PLCXD3: variants seen among roughly 807,000 people sequenced by gnomAD.
The protein encoded by PLCXD3 is phosphatidylinositol specific phospholipase C X domain containing 3.
A neutral mutation model predicts 25.5 loss-of-function variants in PLCXD3; 19 were observed. The ratio of observed to expected loss-of-function variants is 0.75; its 90% CI spans 0.52 to 1.09. The LOEUF is 1.09. Ranked by LOEUF, PLCXD3 falls within the 50% of genes least tolerant of loss-of-function variation. The pLI, the probability that PLCXD3 is intolerant of heterozygous loss-of-function variation, is 0.00. For missense variants in PLCXD3, 411 were observed against 388.1 expected (o/e 1.06, Z -0.50); for synonymous variants, 174 against 137.6 (o/e 1.26, Z -1.85).
intron 2 of PLCXD3, among the ~76,000 whole-genome samples, chr5:41,352,667 T>C (rs1744497304): frequency 6.6e-6 from 1 of 152,232 alleles, no homozygotes; most frequent in Non-Finnish European, 1.5e-5. Flanking sequence ...TAAGACCTAG[T>C]TGTCTTAGTT....
intron 2 of PLCXD3, among the ~76,000 whole-genome samples, chr5:41,344,234 A>G (rs925181243): frequency 2.6e-5 from 4 of 152,112 alleles, no homozygotes; most frequent in African/African-American, 9.7e-5. Flanking sequence ...TTTGTCCAAT[A>G]TTTTGTTGAC....
chr5:41,348,306 G>A (rs2150480063), intron 2 of PLCXD3, among the ~76,000 whole-genome samples: 1 of 152,212 alleles, frequency 6.6e-6, no homozygotes, highest in East Asian at 1.9e-4. Flanking sequence ...ATTGCGCAAA[G>A]GTAGGAGGAT....
chr5:41,430,149 A>G (rs926327103), intron 1 of PLCXD3, among the ~76,000 whole-genome samples: 3 of 152,224 alleles, frequency 2.0e-5, no homozygotes, highest in African/African-American at 7.2e-5. Context: ...TCATAGTAAC[A>G]ATAATAGCAC....
At chr5:41,453,090 CAATAGATCTCTTG>C (rs1444021766) in intron 1 of PLCXD3, among the ~76,000 whole-genome samples, 2 of 151,918 alleles carry the variant, frequency 1.3e-5, no homozygotes, top group African/African-American at 4.8e-5. Context: ...CCATGTTGTA[CAATAGATCTCTTG>C]AGATTATTCC....
rs933073809 is a variant in PLCXD3, at chr5:41,449,948, T to A, written c.103+60476A>T. 2.6e-5 allele frequency among the ~76,000 whole-genome samples: 4 copies of A among 151,936 alleles called. No individual in the cohort carries two copies. The South Asian group carries it at 6.2e-4, about 24-fold the overall frequency. ...CTCCCCTAACAGGTAGATGGGGAGG[T>A]ATACTGAATACCATTATAATTTTAA... On this transcript the variant is annotated intron_variant, in intron 1 of 2. Transcript: ENST00000377801.
chr5:41,430,823 C>T (rs1188519282), intron 1 of PLCXD3, among the ~76,000 whole-genome samples: 1 of 151,984 alleles, frequency 6.6e-6, no homozygotes, highest in Non-Finnish European at 1.5e-5. Context: ...AAAGTTATTG[C>T]CAATTATAAA....
intron 1 of PLCXD3, among the ~76,000 whole-genome samples, chr5:41,426,670 C>A (rs1746962793): frequency 1.3e-5 from 2 of 152,010 alleles, no homozygotes; most frequent in African/African-American, 4.8e-5. Flanking sequence ...GCTTTTAATT[C>A]TCTGCCCAAA....
At chr5:41,344,766 A>T (rs949234319) in intron 2 of PLCXD3, among the ~76,000 whole-genome samples, 6 of 152,150 alleles carry the variant, frequency 3.9e-5, no homozygotes, top group African/African-American at 1.4e-4. Flanking sequence ...CAAGCCATGT[A>T]TCAAAAAATC....
intron 2 of PLCXD3, among the ~76,000 whole-genome samples, chr5:41,354,198 C>A (rs899718844): frequency 4.6e-5 from 7 of 152,136 alleles, no homozygotes; most frequent in Admixed American, 4.6e-4. Flanking sequence ...ATATTTACAA[C>A]CTCCCAAACT....
At chr5:41,331,269 T>G (rs1342495664) in intron 2 of PLCXD3, among the ~76,000 whole-genome samples, 1 of 152,122 alleles carries the variant, frequency 6.6e-6, no homozygotes, top group African/African-American at 2.4e-5. Context: ...AAAATCAATG[T>G]ACAAAAATCA....
intron 1 of PLCXD3, among the ~76,000 whole-genome samples, chr5:41,436,342 C>T (rs1204266623): frequency 2.0e-5 from 3 of 152,076 alleles, no homozygotes; most frequent in Admixed American, 2.0e-4. Flanking sequence ...GTTAGGTTTA[C>T]ATCCTGGATT....
chr5:41,382,630 G>A (rs1367980580), intron 1 of PLCXD3, 96 bp from the exon 2 acceptor site: 7 of 949,164 alleles, frequency 7.4e-6, no homozygotes, highest in Non-Finnish European at 1.1e-5. Context: ...TCCCTCAAAT[G>A]AGCCACAGAA....
chr5:41,417,054 C>G (rs1010115359), intron 1 of PLCXD3, among the ~76,000 whole-genome samples: 2 of 152,130 alleles, frequency 1.3e-5, no homozygotes, highest in Admixed American at 6.5e-5. Context: ...CTTTTCTTCT[C>G]AAATCTGTGG....
At chr5:41,421,299 T>C (rs1306782642) in intron 1 of PLCXD3, among the ~76,000 whole-genome samples, 1 of 152,214 alleles carries the variant, frequency 6.6e-6, no homozygotes, top group Non-Finnish European at 1.5e-5. Flanking sequence ...TTCTGGACCA[T>C]ATTGCTCTAA....
rs962350693 is a variant in PLCXD3 at position 41,488,078 on chromosome 5, C to T, written c.103+22346G>A. Among the ~76,000 whole-genome samples, 7 of 130,126 alleles carry T rather than the reference C, an allele frequency of 5.4e-5. No individual in the cohort carries two copies. The South Asian group carries it at 2.1e-3, about 38-fold the overall frequency. 85.4% of individuals were successfully genotyped at this position (130,126 alleles called of 152,430 possible). On this transcript the variant is annotated intron_variant, in intron 1 of 2. Coordinates refer to ENST00000377801, the MANE Select transcript of PLCXD3 (RefSeq NM_001005473.3). Reference sequence around the variant, plus strand: ...GCTATCCCTCCCCCCTCCCCCCTCCCCCCACGCCACAACAGTCCCCAGAGT... The same window carrying T: ...GCTATCCCTCCCCCCTCCCCCCTCCTCCCACGCCACAACAGTCCCCAGAGT...
intron 1 of PLCXD3, among the ~76,000 whole-genome samples, chr5:41,473,169 G>T (rs1035456649): frequency 1.3e-5 from 2 of 151,966 alleles, no homozygotes; most frequent in East Asian, 3.9e-4. Context: ...ATCTAAATTA[G>T]CCACCAAGTG....
chr5:41,461,777 G>C (rs1057206627), intron 1 of PLCXD3, among the ~76,000 whole-genome samples: 4 of 151,890 alleles, frequency 2.6e-5, no homozygotes, highest in African/African-American at 9.7e-5. Context: ...GCAGTATCAC[G>C]GTCAGAACTC....
intron 1 of PLCXD3, among the ~76,000 whole-genome samples, chr5:41,383,904 A>G (rs1289907219): frequency 6.6e-6 from 1 of 152,016 alleles, no homozygotes; most frequent in African/African-American, 2.4e-5. Flanking sequence ...TTCCATATCT[A>G]TGTATATTTC....
At chr5:41,322,988 A>T (rs976869373) in intron 2 of PLCXD3, among the ~76,000 whole-genome samples, 2 of 152,114 alleles carry the variant, frequency 1.3e-5, no homozygotes, top group African/African-American at 4.8e-5. Flanking sequence ...AAAAAAAAGA[A>T]AAGAAAAAAG....
Sources: allele counts gnomAD v4.1 joint callset (sites outside exome capture counted in the v4.1 genomes callset), GRCh38; gene constraint gnomAD v4.1.1; transcripts MANE v1.5; gene names NCBI Gene and HGNC (gene_info 2026-07-23, HGNC 2026-07-21).